The following FAM117B variants were observed in gnomAD, a reference collection of about 807,000 sequenced individuals.
FAM117B encodes protein FAM117B.
FAM117B carries 22 observed loss-of-function variants against 52.8 expected under a neutral mutation model. The observed-to-expected ratio is 0.42, with a 90% CI of 0.30 to 0.59. The LOEUF (loss-of-function observed/expected upper bound fraction) is 0.59. Ranked by LOEUF, FAM117B falls within the 20% of genes least tolerant of loss-of-function variation. The pLI, the probability that FAM117B is intolerant of heterozygous loss-of-function variation, is 0.22. For missense variants in FAM117B, 678 were observed against 802.6 expected, an observed-to-expected ratio of 0.84 and a Z score of 1.88; for synonymous variants, 309 against 324.1, an observed-to-expected ratio of 0.95 and a Z score of 0.50.
chr2:202,672,961 T>C (rs1446331362), intron 1 of FAM117B, among the ~76,000 whole-genome samples: 1 of 152,032 alleles, frequency 6.6e-6, no homozygotes, highest in African/African-American at 2.4e-5. Context: ...GGTGGGCGGA[T>C]TGCTTGAGCC....
At chr2:202,724,869 T>G in intron 2 of FAM117B, 48 bp from the exon 3 acceptor site, 1 of 1,357,520 alleles carries the variant, frequency 7.4e-7, no homozygotes, top group Admixed American at 2.0e-5. Context: ...TAGACATTGT[T>G]GTGAAATGAT....
intron 1 of FAM117B, among the ~76,000 whole-genome samples, chr2:202,675,712 T>G (rs2351114): frequency 1.3e-5 from 2 of 152,002 alleles, no homozygotes; most frequent in East Asian, 3.9e-4. Context: ...AGGCTGGGTG[T>G]GGCAGCTCAC....
chr2:202,698,687 C>T (rs759046977), intron 2 of FAM117B, among the ~76,000 whole-genome samples: 3 of 152,024 alleles, frequency 2.0e-5, no homozygotes, highest in Non-Finnish European at 4.4e-5. Context: ...CCTCCCAAAG[C>T]GCTAGGATTA....
chr2:202,699,079 C>T (rs2105777966), intron 2 of FAM117B, among the ~76,000 whole-genome samples: 1 of 152,156 alleles, frequency 6.6e-6, no homozygotes, highest in East Asian at 1.9e-4. Flanking sequence ...ACCCTATATT[C>T]CTTGCCTTTT....
chr2:202,678,078 T>A (rs2105768919), intron 1 of FAM117B, among the ~76,000 whole-genome samples: 1 of 152,320 alleles, frequency 6.6e-6, no homozygotes, highest in East Asian at 1.9e-4. Context: ...ATATATATTA[T>A]CATAATCATT....
intron 1 of FAM117B, among the ~76,000 whole-genome samples, chr2:202,656,325 T>C (rs1338424484): frequency 2.0e-5 from 3 of 152,212 alleles, no homozygotes; most frequent in African/African-American, 7.2e-5. Context: ...GAAATCTTCT[T>C]TTTCTAATAG....
intron 1 of FAM117B, among the ~76,000 whole-genome samples, chr2:202,672,911 G>A (rs1690320285): frequency 6.6e-6 from 1 of 151,800 alleles, no homozygotes; most frequent in Non-Finnish European, 1.5e-5. Context: ...GAGCTGACAT[G>A]GTGGCATGCA....
chr2:202,723,021 G>A (rs751239767), intron 2 of FAM117B, among the ~76,000 whole-genome samples: 1 of 152,060 alleles, frequency 6.6e-6, no homozygotes, highest in Non-Finnish European at 1.5e-5. Context: ...GTACAGTAGG[G>A]GTCACCTCTG....
chr2:202,687,226 C>G (rs1690554815), intron 1 of FAM117B, among the ~76,000 whole-genome samples: 3 of 152,128 alleles, frequency 2.0e-5, no homozygotes, highest in Admixed American at 2.0e-4. Context: ...TGTATGACAC[C>G]TTTTAAAAAA....
intron 7 of FAM117B, among the ~76,000 whole-genome samples, chr2:202,763,293 C>T (rs1031079792): frequency 1.3e-5 from 2 of 151,948 alleles, no homozygotes; most frequent in African/African-American, 4.8e-5. Flanking sequence ...AGGATGGTCT[C>T]GATCTCCTGA....
At chr2:202,715,076 G>A (rs1168444762) in intron 2 of FAM117B, among the ~76,000 whole-genome samples, 11 of 152,212 alleles carry the variant, frequency 7.2e-5, no homozygotes, top group Admixed American at 2.6e-4. Flanking sequence ...TGGTGGCGGG[G>A]CAGAGGGGCT....
At chr2:202,723,009 A>G (rs1691178200) in intron 2 of FAM117B, among the ~76,000 whole-genome samples, 1 of 152,180 alleles carries the variant, frequency 6.6e-6, no homozygotes, top group East Asian at 1.9e-4. Flanking sequence ...GAGAAATTAT[A>G]AGTACAGTAG....
intron 1 of FAM117B, among the ~76,000 whole-genome samples, chr2:202,693,180 T>G (rs1690661516): frequency 1.3e-5 from 2 of 152,332 alleles, no homozygotes; most frequent in East Asian, 1.9e-4. Flanking sequence ...TTTCTATTGT[T>G]TTAATACCTT....
intron 1 of FAM117B, among the ~76,000 whole-genome samples, chr2:202,655,298 GT>G (rs1007260188): frequency 2.0e-5 from 3 of 152,106 alleles, no homozygotes; most frequent in Non-Finnish European, 1.5e-5. Context: ...GGAGTTTGTA[GT>G]TTTGGGTGAT....
At chr2:202,745,822 C>T (rs1691623481) in intron 4 of FAM117B, among the ~76,000 whole-genome samples, 1 of 152,068 alleles carries the variant, frequency 6.6e-6, no homozygotes, top group Non-Finnish European at 1.5e-5. Flanking sequence ...ACAAAATAGA[C>T]ATCAAGTCAA....
intron 1 of FAM117B, among the ~76,000 whole-genome samples, chr2:202,658,062 G>A (rs895482358): frequency 6.6e-6 from 1 of 151,966 alleles, no homozygotes; most frequent in Non-Finnish European, 1.5e-5. Flanking sequence ...TTTAAACATT[G>A]AAAACCACAT....
intron 4 of FAM117B, among the ~76,000 whole-genome samples, chr2:202,749,952 G>A (rs1691698423): frequency 6.6e-6 from 1 of 152,176 alleles, no homozygotes; most frequent in South Asian, 2.1e-4. Flanking sequence ...GAGTGTATTA[G>A]TCTCTTCAGG....
chr2:202,748,132 T>C (rs542126527), intron 4 of FAM117B, among the ~76,000 whole-genome samples: 2 of 152,192 alleles, frequency 1.3e-5, no homozygotes, highest in South Asian at 4.1e-4. Flanking sequence ...AGAAATAAAT[T>C]CATGCATTTC....
At chr2:202,734,996 CA>C (rs1164403561) in intron 4 of FAM117B, among the ~76,000 whole-genome samples, 1 of 152,018 alleles carries the variant, frequency 6.6e-6, no homozygotes, top group Non-Finnish European at 1.5e-5. Context: ...CTATTGCTGA[CA>C]TTTTTTTTCT....
Sources: allele counts gnomAD v4.1 joint callset (sites outside exome capture counted in the v4.1 genomes callset), GRCh38; gene constraint gnomAD v4.1.1; transcripts MANE v1.5; gene names NCBI Gene and HGNC (gene_info 2026-07-23, HGNC 2026-07-21).